Variants in LYSMD1 observed in about 807,000 individuals in gnomAD.
LYSMD1 encodes lysM and putative peptidoglycan-binding domain-containing protein 1.
Under a neutral mutation model 19.3 loss-of-function variants are expected in LYSMD1, and 9 were observed. The observed-to-expected ratio is 0.47, with a 90% CI of 0.28 to 0.81. The LOEUF is 0.81. LYSMD1 is among the 40% of genes least tolerant of loss of function. The pLI is 0.11. For synonymous variants in LYSMD1, 111 were observed against 111.7 expected (o/e 0.99, Z 0.04); for missense variants, 262 against 279.8 (o/e 0.94, Z 0.45).
At chr1:151,163,213 C>T (rs992451396) in intron 1 of LYSMD1, among the ~76,000 whole-genome samples, 1 of 152,004 alleles carries the variant, frequency 6.6e-6, no homozygotes, top group Non-Finnish European at 1.5e-5. Context: ...ACTATCACTC[C>T]CTTTGTGCTA....
Position 151,160,238 on chromosome 1 carries a change from C to CAAAAAAAAAACAAAA in LYSMD1, c.*643_*644insTTTTGTTTTTTTTTT, listed in dbSNP as rs1683388012. The CAAAAAAAAAACAAAA allele has an allele frequency of 2.8e-5, 1 of 35,574 alleles. No individual in the cohort carries two copies. The highest frequency in any genetic ancestry group is 7.0e-5 in the African/African-American group (1 of 14,280). The allele number at this position is 35,574 out of a possible 1,614,324, so 2.2% of individuals were successfully genotyped here. Reference sequence around the variant, plus strand: ...AGCCCATTCAACAGGAATGGGGTACCAAAAAAAAAAAAAAAAAGAATCAGC... The same window carrying CAAAAAAAAAACAAAA: ...AGCCCATTCAACAGGAATGGGGTACCAAAAAAAAAACAAAAAAAAAAAAAAAAAAAAAGAATCAGC... On this transcript the variant is annotated 3_prime_UTR_variant, in exon 3 of 3. Transcript: ENST00000368908.
At chr1:151,162,512 A>G (rs1683491536) in intron 1 of LYSMD1, among the ~76,000 whole-genome samples, 1 of 152,222 alleles carries the variant, frequency 6.6e-6, no homozygotes, top group African/African-American at 2.4e-5. Context: ...AGGTTAAGCT[A>G]CTTTCCTAAA....
rs753720744 is a variant in LYSMD1, at chr1:151,162,118, C to T, written c.181-18G>A. On this transcript the variant is annotated intron_variant, in intron 1 of 2. Coordinates refer to ENST00000368908, the MANE Select transcript of LYSMD1 (RefSeq NM_212551.5). Reference sequence around the variant, plus strand: ...TGTTCCATCTTAAAAAAAAAAGTCACCAAAATTAAGGACAGTAATAATGAT... The same window carrying T: ...TGTTCCATCTTAAAAAAAAAAGTCATCAAAATTAAGGACAGTAATAATGAT... 5 of 1,578,778 alleles carry T rather than the reference C, an allele frequency of 3.2e-6. No homozygotes were observed. The South Asian group carries it at 5.9e-5, about 19-fold the overall frequency.
In LYSMD1 at chr1:151,161,842, T is replaced by C; in HGVS notation, c.439A>G (p.Thr147Ala). The C allele has an allele frequency of 6.2e-7, 1 of 1,613,738 alleles. No homozygotes were observed. The highest frequency in any genetic ancestry group is 8.5e-7 in the Non-Finnish European group (1 of 1,179,900). ...VLPTPGQETP[T>A]PIHDLSASDF... Reference sequence around the variant, plus strand: ...GAGGCAGAGAGGTCATGGATGGGCGTGGGGGTTTCCTGGCCAGGTGTGGGG... The same window carrying C: ...GAGGCAGAGAGGTCATGGATGGGCGCGGGGGTTTCCTGGCCAGGTGTGGGG... The change falls in exon 2 of 3, where the codon ACG (threonine) becomes GCG (alanine). Residue 147 changes from threonine (T) to alanine (A), a missense_variant. By Grantham distance (58) the Thr-to-Ala change is moderately conservative. Transcript: ENST00000368908.
downstream of LYSMD1, chr1:151,159,095 A>G: frequency 6.2e-6 from 10 of 1,614,124 alleles, no homozygotes; most frequent in Non-Finnish European, 8.5e-6. Context: ...TTGGTGGAAC[A>G]CCACCTCACG....
downstream of LYSMD1, among the ~76,000 whole-genome samples, chr1:151,156,077 G>A (rs1683210810): frequency 1.8e-5 from 2 of 111,856 alleles, no homozygotes; most frequent in African/African-American, 6.8e-5. Flanking sequence ...TCCAGCCTGG[G>A]CAACAAGAGC....
downstream of LYSMD1, chr1:151,158,980 C>T (rs587688526): frequency 1.7e-5 from 27 of 1,614,252 alleles, no homozygotes; most frequent in East Asian, 1.1e-4. Context: ...CCAGAAGCTG[C>T]GGCAGGGTGC....
chr1:151,165,636 T>C lies in LYSMD1; in HGVS notation c.-378A>G. ...CCTCAGGGCGCTCCAACATCCCAGC[T>C]CTCCCCGGTCCCGGGGTTTGTTTGC... On this transcript the variant is annotated 5_prime_UTR_variant, in exon 1 of 3. Transcript: ENST00000368908. 1 of 1,543,930 alleles carries C rather than the reference T, an allele frequency of 6.5e-7. No homozygotes were observed. Among genetic ancestry groups the C allele is most frequent in the Non-Finnish European group, 8.7e-7 (1 of 1,145,010 alleles).
the LYSMD1 span, among the ~76,000 whole-genome samples, chr1:151,150,179 C>A: frequency 2.0e-5 from 3 of 152,270 alleles, no homozygotes; most frequent in South Asian, 4.1e-4. Context: ...TGGTCTTGAA[C>A]TCCTAGGCTC....
At chr1:151,164,225 C>A (rs1283148124) in intron 1 of LYSMD1, among the ~76,000 whole-genome samples, 1 of 152,176 alleles carries the variant, frequency 6.6e-6, no homozygotes, top group Non-Finnish European at 1.5e-5. Flanking sequence ...TACAAACTCA[C>A]CACATTCTGT....
At chr1:151,163,082 TTTTA>T (rs1683510754) in intron 1 of LYSMD1, among the ~76,000 whole-genome samples, 1 of 152,162 alleles carries the variant, frequency 6.6e-6, no homozygotes, top group South Asian at 2.1e-4. Context: ...ATCCTGAACT[TTTTA>T]TTTTTCTTTG....
chr1:151,161,407 G>C (rs11576320), intron 2 of LYSMD1, among the ~76,000 whole-genome samples: 1 of 151,862 alleles, frequency 6.6e-6, no homozygotes, highest in Admixed American at 6.6e-5. Context: ...TGAGGCAGGA[G>C]AATGGCGTGA....
In LYSMD1 at chr1:151,160,751, G is replaced by A; in HGVS notation, c.*131C>T. The A allele has an allele frequency of 1.7e-6, 2 of 1,174,894 alleles. No individual in the cohort carries two copies. The highest frequency in any genetic ancestry group is 2.4e-6 in the Non-Finnish European group (2 of 843,880). 72.8% of individuals were successfully genotyped at this position (1,174,894 alleles called of 1,614,324 possible). A position where few individuals can be genotyped will look rare whatever the true frequency, so the allele number is the denominator to read the frequency against. ...GGCCAAGGAATTTTTGGCAGACAAG[G>A]AGGCTGGGGAGGATGGCTGGAGTGG... is the stretch of plus-strand genomic sequence containing the variant. On this transcript the variant is annotated 3_prime_UTR_variant, in exon 3 of 3. Coordinates refer to ENST00000368908, the MANE Select transcript of LYSMD1 (RefSeq NM_212551.5).
chr1:151,164,876 A>G (rs1008445141), intron 1 of LYSMD1, among the ~76,000 whole-genome samples: 5 of 152,216 alleles, frequency 3.3e-5, no homozygotes, highest in Non-Finnish European at 7.3e-5. Context: ...TGTCTGGCAT[A>G]ATAAAATAGG....
chr1:151,165,156 C>G lies in LYSMD1; in HGVS notation c.103G>C (p.Val35Leu), dbSNP rs143295821. ...TGATGCTCCAGGCGTCTTTCCCTCA[C>G]TGGGGAGCAGGCCGATTGCACCAGG... The part of the protein sequence containing the change: ...GSLVQSACSP[V>L]RERRLEHQLE... Residue 35 changes from valine (V) to leucine (L), a missense_variant, in exon 1 of 3, where the codon GTG (valine) becomes CTG (leucine). By Grantham distance (32) the Val-to-Leu change is conservative (BLOSUM62 1). Coordinates refer to ENST00000368908, the MANE Select transcript of LYSMD1 (RefSeq NM_212551.5). 1.5e-4 allele frequency: 240 copies of G among 1,614,226 alleles called. No individual in the cohort carries two copies. The highest frequency in any genetic ancestry group is 1.2e-4 in the Non-Finnish European group (140 of 1,180,036).
rs920317629 is a variant in LYSMD1, at chr1:151,160,123, T to A, written c.*759A>T. The A allele has an allele frequency of 6.7e-6, 1 of 150,364 alleles. No individual in the cohort carries two copies. Among genetic ancestry groups the A allele is most frequent in the East Asian group, 2.0e-4 (1 of 5,122 alleles). The allele number at this position is 150,364 out of a possible 1,614,324, so 9.3% of individuals were successfully genotyped here. A position where few individuals can be genotyped will look rare whatever the true frequency, so the allele number is the denominator to read the frequency against. On this transcript the variant is annotated 3_prime_UTR_variant, in exon 3 of 3. Coordinates refer to ENST00000368908, the MANE Select transcript of LYSMD1 (RefSeq NM_212551.5). The stretch of plus-strand genomic sequence containing the variant: ...AGAACAGGTCAGAAGGGTGAACTGG[T>A]AGAATGGAGAGTTCAGGTCCCTACA...
Position 151,165,894 on chromosome 1 carries a change from T to C in LYSMD1, c.-636A>G. ...GGATCCAGTTGAGCGGCAAGGTCTT[T>C]GAGAAAAGACTTCATTTCCCAAAAG... On this transcript the variant is annotated 5_prime_UTR_variant, in exon 1 of 3. Coordinates refer to ENST00000368908, the MANE Select transcript of LYSMD1 (RefSeq NM_212551.5). 1.0e-6 allele frequency: 1 copy of C among 985,312 alleles called. No individual in the cohort carries two copies. The highest frequency in any genetic ancestry group is 1.6e-6 in the Non-Finnish European group (1 of 636,998). 61.0% of individuals were successfully genotyped at this position (985,312 alleles called of 1,614,324 possible).
In LYSMD1 at chr1:151,160,937, C is replaced by A. The variant is rs764931775; in HGVS notation, c.629G>T (p.Arg210Leu). 2.5e-6 allele frequency: 4 copies of A among 1,614,134 alleles called. No homozygotes were observed. The highest frequency in any genetic ancestry group is 1.1e-5 in the South Asian group (1 of 91,084). The change falls in exon 3 of 3, where the codon CGT (arginine) becomes CTT (leucine). Residue 210 changes from arginine (R) to leucine (L), a missense_variant. By Grantham distance (102) the Arg-to-Leu change is moderately radical (BLOSUM62 -2). Transcript: ENST00000368908. ...CCGTAGTGTCCGGGTCCGAGAGGTA[C>A]GGGTCAGCGGCACAGGACCTAGGAC... ...RAVLGPVPLTRTSRTRTLRDQ... is the reference protein window; with the variant it reads ...RAVLGPVPLTLTSRTRTLRDQ...
At position 151,165,420 on chromosome 1, in the gene LYSMD1, C is replaced by A; in HGVS notation, c.-162G>T. The A allele has an allele frequency of 7.0e-7, 1 of 1,437,272 alleles. No homozygotes were observed. The highest frequency in any genetic ancestry group is 9.1e-7 in the Non-Finnish European group (1 of 1,100,274). The allele number at this position is 1,437,272 out of a possible 1,614,324, so 89.0% of individuals were successfully genotyped here. A position where few individuals can be genotyped will look rare whatever the true frequency, so the allele number is the denominator to read the frequency against. On this transcript the variant is annotated 5_prime_UTR_variant, in exon 1 of 3. Transcript: ENST00000368908. ...CAGCACTACGCCATCTGCCCCCTCCCGGTTTCTCCTCCCTCCAAGCTACTT... is the reference window on the plus strand; with the variant it reads ...CAGCACTACGCCATCTGCCCCCTCCAGGTTTCTCCTCCCTCCAAGCTACTT...
Sources: allele counts gnomAD v4.1 joint callset (sites outside exome capture counted in the v4.1 genomes callset), GRCh38; gene constraint gnomAD v4.1.1; transcripts MANE v1.5; gene names NCBI Gene and HGNC (gene_info 2026-07-23, HGNC 2026-07-21).